The following ADCK1 variants were observed in gnomAD, a reference collection of about 807,000 sequenced individuals.
ADCK1 encodes the protein aarF domain-containing protein kinase 1.
Under a neutral mutation model 52.3 loss-of-function variants are expected in ADCK1, and 41 were observed. The observed-to-expected ratio is 0.78, with a 90% CI of 0.61 to 1.02. The LOEUF (loss-of-function observed/expected upper bound fraction) is 1.02. Ranked by LOEUF, ADCK1 falls within the 50% of genes least tolerant of loss-of-function variation. ADCK1 has a pLI of 0.00. For synonymous variants in ADCK1, 250 were observed against 274.6 expected (o/e 0.91, Z 0.89); for missense variants, 658 against 679.5 (o/e 0.97, Z 0.35).
At chr14:77,861,514 G>A (rs528862715) in intron 4 of ADCK1, among the ~76,000 whole-genome samples, 166 of 152,192 alleles carry the variant, frequency 1.1e-3, no homozygotes, top group African/African-American at 3.8e-3. Flanking sequence ...GGATGCTTGA[G>A]TGGGCCCCAC....
Position 77,924,544 on chromosome 14 carries a change from G to A in ADCK1, c.946G>A (p.Val316Met). The change falls in exon 8 of 11, where the codon GTG (valine) becomes ATG (methionine). Residue 316 changes from valine (V) to methionine (M), a missense_variant. Val to Met is a conservative substitution (Grantham distance 21). Coordinates refer to ENST00000238561, the MANE Select transcript of ADCK1 (RefSeq NM_020421.4). ...CGATCCCCACCCCGGCAATGTACTG[G>A]TGCGGAAGCACCCCGGCACGGGAAA... is the stretch of plus-strand genomic sequence containing the variant. ...HCDPHPGNVLVRKHPGTGKAE... is the reference protein window; with the variant it reads ...HCDPHPGNVLMRKHPGTGKAE... The A allele has an allele frequency of 6.2e-7, 1 of 1,614,084 alleles. No individual in the cohort carries two copies. Among genetic ancestry groups the A allele is most frequent in the South Asian group, 1.1e-5 (1 of 91,088 alleles).
At chr14:77,932,043 TTTAA>T (rs1280915043) in intron 10 of ADCK1, among the ~76,000 whole-genome samples, 1 of 152,020 alleles carries the variant, frequency 6.6e-6, no homozygotes, top group Non-Finnish European at 1.5e-5. Context: ...TATTTATTTA[TTTAA>T]TTTATTTATT....
intron 2 of ADCK1, among the ~76,000 whole-genome samples, chr14:77,820,487 C>T (rs950676753): frequency 2.0e-5 from 3 of 151,766 alleles, no homozygotes. Flanking sequence ...CCTGACACCA[C>T]ACCTGGCCAA....
chr14:77,896,822 A>G (rs1040601244), intron 5 of ADCK1, among the ~76,000 whole-genome samples: 1 of 152,216 alleles, frequency 6.6e-6, no homozygotes, highest in East Asian at 1.9e-4. Flanking sequence ...ACAAAACTCA[A>G]AAGAAATTAA....
intron 1 of ADCK1, among the ~76,000 whole-genome samples, chr14:77,802,408 T>G (rs1047055323): frequency 3.3e-5 from 5 of 152,068 alleles, no homozygotes; most frequent in Non-Finnish European, 7.3e-5. Context: ...TGGGTGAGAA[T>G]TATTTTTGTT....
intron 3 of ADCK1, among the ~76,000 whole-genome samples, chr14:77,836,233 CG>C (rs1443106604): frequency 1.3e-5 from 2 of 152,180 alleles, no homozygotes; most frequent in Non-Finnish European, 2.9e-5. Context: ...TTGCCAGATG[CG>C]GGTCTCTTGG....
chr14:77,841,626 C>G (rs1566656241), intron 3 of ADCK1, among the ~76,000 whole-genome samples: 1 of 123,126 alleles, frequency 8.1e-6, no homozygotes, highest in African/African-American at 3.2e-5. Context: ...GTCAGGAGTT[C>G]AAGACCAACC....
At chr14:77,922,682 G>A (rs1475516051) in intron 7 of ADCK1, among the ~76,000 whole-genome samples, 1 of 152,182 alleles carries the variant, frequency 6.6e-6, no homozygotes. Flanking sequence ...AGAAGGCTGC[G>A]GGGTCAGCTG....
chr14:77,896,441 C>T (rs945761841), intron 5 of ADCK1, among the ~76,000 whole-genome samples: 16 of 152,380 alleles, frequency 1.1e-4, no homozygotes, highest in African/African-American at 3.8e-4. Flanking sequence ...CCTTGCCCCT[C>T]TCGGGCGAGA....
intron 4 of ADCK1, among the ~76,000 whole-genome samples, chr14:77,873,852 A>G (rs2082839565): frequency 1.3e-5 from 2 of 152,210 alleles, no homozygotes; most frequent in African/African-American, 4.8e-5. Context: ...TGTTTTCTTT[A>G]TAAATTCCCC....
intron 8 of ADCK1, 116 bp from the exon 9 acceptor site, chr14:77,925,648 T>C: frequency 1.0e-6 from 1 of 993,400 alleles, no homozygotes; most frequent in South Asian, 1.6e-5. Flanking sequence ...GAAACAGATG[T>C]CGTGGGAAGG....
chr14:77,882,767 T>C (rs1007166531), intron 4 of ADCK1, among the ~76,000 whole-genome samples: 1 of 152,222 alleles, frequency 6.6e-6, no homozygotes, highest in Non-Finnish European at 1.5e-5. Context: ...TTTGGAAACA[T>C]TGTCCAGTAC....
intron 7 of ADCK1, among the ~76,000 whole-genome samples, chr14:77,917,677 C>G (rs2083956303): frequency 6.6e-6 from 1 of 152,130 alleles, no homozygotes; most frequent in Non-Finnish European, 1.5e-5. Context: ...TCGTGAAAGG[C>G]ACATTTTTTT....
intron 4 of ADCK1, among the ~76,000 whole-genome samples, chr14:77,861,658 T>C (rs950750938): frequency 6.6e-6 from 1 of 152,180 alleles, no homozygotes; most frequent in Non-Finnish European, 1.5e-5. Context: ...GAGGTTACCT[T>C]GAGCTCAGAG....
At chr14:77,810,862 A>T (rs1481375633) in intron 1 of ADCK1, among the ~76,000 whole-genome samples, 2 of 152,112 alleles carry the variant, frequency 1.3e-5, no homozygotes, top group Admixed American at 6.6e-5. Context: ...GTCTCTTCAT[A>T]CTGCCTTCCT....
chr14:77,806,948 C>T (rs1258272167), intron 1 of ADCK1, among the ~76,000 whole-genome samples: 2 of 150,914 alleles, frequency 1.3e-5, no homozygotes, highest in African/African-American at 4.9e-5. Context: ...CTCCTGACCT[C>T]AAATGATCCA....
At chr14:77,892,276 T>C (rs1009951111) in intron 5 of ADCK1, among the ~76,000 whole-genome samples, 1 of 152,134 alleles carries the variant, frequency 6.6e-6, no homozygotes, top group African/African-American at 2.4e-5. Context: ...CTACTGTGCA[T>C]TTACAGGGTG....
In ADCK1 at chr14:77,934,473, G is replaced by A. The variant is rs992933513; in HGVS notation, c.*1082G>A. The A allele has an allele frequency of 7.9e-5, 12 of 152,094 alleles. No individual in the cohort carries two copies. Among genetic ancestry groups the A allele is most frequent in the African/African-American group, 2.9e-4 (12 of 41,460 alleles). The allele number at this position is 152,094 out of a possible 1,614,324, so 9.4% of individuals were successfully genotyped here. A position where few individuals can be genotyped will look rare whatever the true frequency, so the allele number is the denominator to read the frequency against. On this transcript the variant is annotated 3_prime_UTR_variant, in exon 11 of 11. Coordinates refer to ENST00000238561, the MANE Select transcript of ADCK1 (RefSeq NM_020421.4). ...CAGTTTTAGGCCTGGAATTCTACTT[G>A]TCTCCCCCCAGTCCTTCTGGAGACC... is the stretch of plus-strand genomic sequence containing the variant.
chr14:77,834,418 C>T (rs994802478), intron 3 of ADCK1, among the ~76,000 whole-genome samples: 1 of 152,162 alleles, frequency 6.6e-6, no homozygotes. Context: ...TGGCTTGCAC[C>T]CACTCTTGTC....
Sources: gnomAD v4.1 joint callset for allele counts (sites outside exome capture counted in the v4.1 genomes callset) on GRCh38, gnomAD v4.1.1 for gene constraint, MANE v1.5 for transcripts, NCBI Gene and HGNC (gene_info 2026-07-23, HGNC 2026-07-21) for gene names.